The following LSAMP variants were observed in gnomAD, a reference collection of about 807,000 sequenced individuals.
LSAMP encodes the protein limbic system-associated membrane protein.
LSAMP carries 7 observed loss-of-function variants against 38.6 expected under a neutral mutation model. That is an observed-to-expected ratio of 0.18 (90% CI 0.10 to 0.34). LSAMP has a LOEUF of 0.34. Among genes scored for constraint, LSAMP ranks in the 10% least tolerant of loss-of-function variants. The pLI, the probability that LSAMP is intolerant of heterozygous loss-of-function variation, is 1.00. For missense variants in LSAMP, 313 were observed against 420.0 expected, an observed-to-expected ratio of 0.75 and a Z score of 2.23; for synonymous variants, 154 against 166.8, an observed-to-expected ratio of 0.92 and a Z score of 0.59.
At chr3:116,307,193 A>T (rs1428434830) in intron 1 of LSAMP, among the ~76,000 whole-genome samples, 2 of 152,046 alleles carry the variant, frequency 1.3e-5, no homozygotes, top group African/African-American at 4.8e-5. Flanking sequence ...CTCAGGGCAA[A>T]GCAATCAAAA....
intron 3 of LSAMP, among the ~76,000 whole-genome samples, chr3:115,952,752 T>C (rs570922118): frequency 1.3e-5 from 2 of 152,248 alleles, no homozygotes; most frequent in South Asian, 4.1e-4. Flanking sequence ...TCTCTTAGGC[T>C]CAATAAGCTT....
intron 2 of LSAMP, among the ~76,000 whole-genome samples, chr3:116,030,620 A>G (rs1940896804): frequency 6.6e-6 from 1 of 152,178 alleles, no homozygotes; most frequent in South Asian, 2.1e-4. Flanking sequence ...ACCAGAGCAG[A>G]TGGTTTTACT....
intron 1 of LSAMP, among the ~76,000 whole-genome samples, chr3:116,281,875 C>T (rs1386905919): frequency 1.3e-5 from 2 of 152,158 alleles, no homozygotes; most frequent in Non-Finnish European, 2.9e-5. Flanking sequence ...GTTAGTTACA[C>T]TGACATCTTG....
At chr3:116,333,714 C>T (rs535466207) in intron 1 of LSAMP, among the ~76,000 whole-genome samples, 36 of 151,494 alleles carry the variant, frequency 2.4e-4, no homozygotes, top group African/African-American at 8.0e-4. Context: ...AAATACTTAG[C>T]GACATGAAAA....
chr3:116,142,554 T>C (rs1920369), intron 1 of LSAMP, among the ~76,000 whole-genome samples: 5,046 of 152,106 alleles, frequency 0.033, 220 homozygotes, highest in African/African-American at 0.1. Context: ...TGACAGACCA[T>C]TCATTTATAA....
At chr3:116,437,800 C>A (rs999727960) in intron 1 of LSAMP, among the ~76,000 whole-genome samples, 2 of 152,068 alleles carry the variant, frequency 1.3e-5, no homozygotes, top group East Asian at 3.9e-4. Context: ...CTCAGTGGTA[C>A]TGTGAAATGA....
At chr3:116,365,812 A>G (rs1176866499) in intron 1 of LSAMP, among the ~76,000 whole-genome samples, 1 of 105,870 alleles carries the variant, frequency 9.4e-6, no homozygotes, top group Non-Finnish European at 1.8e-5. Context: ...GAATTGAACA[A>G]TGAGATCACA....
intron 1 of LSAMP, among the ~76,000 whole-genome samples, chr3:116,199,274 A>T (rs768742887): frequency 6.6e-6 from 1 of 152,042 alleles, no homozygotes; most frequent in Non-Finnish European, 1.5e-5. Context: ...ATGGTTAATT[A>T]TTTCTTAAAA....
intron 6 of LSAMP, among the ~76,000 whole-genome samples, chr3:115,835,227 T>G (rs1934745516): frequency 1.3e-5 from 2 of 152,202 alleles, no homozygotes; most frequent in Non-Finnish European, 2.9e-5. Context: ...TTATAATACA[T>G]TCTTACCCGA....
At chr3:115,883,392 A>C (rs367762850) in intron 3 of LSAMP, among the ~76,000 whole-genome samples, 2 of 152,224 alleles carry the variant, frequency 1.3e-5, no homozygotes, top group Admixed American at 6.6e-5. Flanking sequence ...GAGGAGCCTT[A>C]GTAGATGTAG....
intron 1 of LSAMP, among the ~76,000 whole-genome samples, chr3:116,121,067 C>T (rs1309524485): frequency 6.6e-6 from 1 of 152,162 alleles, no homozygotes; most frequent in African/African-American, 2.4e-5. Context: ...TTGAGAAGGT[C>T]CCAACATCTT....
At chr3:115,819,322 C>T (rs1934149724) in intron 6 of LSAMP, among the ~76,000 whole-genome samples, 1 of 151,848 alleles carries the variant, frequency 6.6e-6, no homozygotes, top group African/African-American at 2.4e-5. Flanking sequence ...GTAATCTCAG[C>T]TACTTGGGAG....
chr3:115,934,914 C>T (rs1420377605), intron 3 of LSAMP, among the ~76,000 whole-genome samples: 1 of 152,018 alleles, frequency 6.6e-6, no homozygotes, highest in Non-Finnish European at 1.5e-5. Flanking sequence ...TTTAAAAACA[C>T]TGTGTACAAG....
chr3:116,013,115 C>T (rs748745052), intron 3 of LSAMP, among the ~76,000 whole-genome samples: 3 of 152,194 alleles, frequency 2.0e-5, no homozygotes, highest in Non-Finnish European at 2.9e-5. Flanking sequence ...TAGGCTGATT[C>T]ACTTCTCTTC....
chr3:115,823,530 T>C (rs1455695310), intron 6 of LSAMP, among the ~76,000 whole-genome samples: 1 of 152,254 alleles, frequency 6.6e-6, no homozygotes, highest in Non-Finnish European at 1.5e-5. Context: ...ACACAGGAGC[T>C]TTATTTTCTT....
chr3:116,184,945 A>G (rs1710575808), intron 1 of LSAMP, among the ~76,000 whole-genome samples: 1 of 150,884 alleles, frequency 6.6e-6, no homozygotes, highest in Non-Finnish European at 1.5e-5. Context: ...CAGAATACAT[A>G]TATATTGAAT....
chr3:116,370,863 T>C (rs2048421445), intron 1 of LSAMP, among the ~76,000 whole-genome samples: 1 of 151,962 alleles, frequency 6.6e-6, no homozygotes. Context: ...CAGAGAAAAC[T>C]AAAATTACCG....
At chr3:116,320,185 C>T (rs925961313) in intron 1 of LSAMP, among the ~76,000 whole-genome samples, 14 of 152,046 alleles carry the variant, frequency 9.2e-5, no homozygotes, top group South Asian at 2.1e-4. Flanking sequence ...GAGGCCAAGG[C>T]GGGTGGATCA....
chr3:116,222,144 A>G (rs2046293014), intron 1 of LSAMP, among the ~76,000 whole-genome samples: 1 of 151,884 alleles, frequency 6.6e-6, no homozygotes, highest in African/African-American at 2.4e-5. Flanking sequence ...TCCAACACTA[A>G]CAAATTGAGA....
Sources: allele counts gnomAD v4.1 joint callset (sites outside exome capture counted in the v4.1 genomes callset), GRCh38; gene constraint gnomAD v4.1.1; transcripts MANE v1.5; gene names NCBI Gene and HGNC (gene_info 2026-07-23, HGNC 2026-07-21).